CEMIP2: variants seen among roughly 807,000 people sequenced by gnomAD.
CEMIP2 encodes the protein cell surface hyaluronidase CEMIP2.
Under a neutral mutation model 146.9 loss-of-function variants are expected in CEMIP2, and 79 were observed. That is an observed-to-expected ratio of 0.54 (90% confidence interval 0.45 to 0.65). The LOEUF is 0.65. Among genes scored for constraint, CEMIP2 ranks in the 30% least tolerant of loss-of-function variants. The probability of loss-of-function intolerance (pLI) is 0.00; values close to 1 mark genes in which losing one functional copy is unlikely to be tolerated. For missense variants in CEMIP2, 1,596 were observed against 1,696.2 expected (o/e 0.94, Z 1.04); for synonymous variants, 601 against 606.3 (o/e 0.99, Z 0.13).
intron 11 of CEMIP2, among the ~76,000 whole-genome samples, chr9:71,725,056 T>C (rs745321965): frequency 2.6e-5 from 4 of 151,916 alleles, no homozygotes; most frequent in Non-Finnish European, 5.9e-5. Flanking sequence ...TATGTATAAA[T>C]GGAATGCTCT....
intron 7 of CEMIP2, among the ~76,000 whole-genome samples, chr9:71,731,685 T>G (rs911700780): frequency 1.3e-5 from 2 of 150,012 alleles, no homozygotes; most frequent in South Asian, 2.1e-4. Flanking sequence ...TCAGTTGTGA[T>G]CATGCCACTG....
chr9:71,723,992 C>A (rs1048363733), intron 11 of CEMIP2, among the ~76,000 whole-genome samples: 1 of 152,162 alleles, frequency 6.6e-6, no homozygotes, highest in East Asian at 1.9e-4. Context: ...TAAATTACTG[C>A]ACATTAAAAA....
chr9:71,753,092 C>T (rs1363096699), intron 1 of CEMIP2, among the ~76,000 whole-genome samples: 1 of 152,110 alleles, frequency 6.6e-6, no homozygotes, highest in Non-Finnish European at 1.5e-5. Context: ...AATAAAGACC[C>T]CGTTATGATC....
rs1823897373 is a variant in CEMIP2 at position 71,741,002 on chromosome 9, CA to C, written c.1035-771del. Among the ~76,000 whole-genome samples, 5 of 152,168 alleles carry C rather than the reference CA, an allele frequency of 3.3e-5. No individual in the cohort carries two copies. The South Asian group carries it at 1.0e-3, about 32-fold the overall frequency. On this transcript the variant is annotated intron_variant, in intron 4 of 23. Transcript: ENST00000377044. Reference sequence around the variant, plus strand: ...ATGTTAATGCTGCTGGTCAGGGCACCATACTTTGAAAACCCCTAAATTATAG... The same window carrying C: ...ATGTTAATGCTGCTGGTCAGGGCACCTACTTTGAAAACCCCTAAATTATAG...
At chr9:71,764,052 T>C (rs1434537268) in intron 1 of CEMIP2, among the ~76,000 whole-genome samples, 1 of 152,158 alleles carries the variant, frequency 6.6e-6, no homozygotes, top group Non-Finnish European at 1.5e-5. Flanking sequence ...AAAAAGAACA[T>C]GCAAACATAT....
At position 71,700,808 on chromosome 9, in the gene CEMIP2, C is replaced by G; in HGVS notation, c.3211G>C (p.Val1071Leu). 1 of 1,606,658 alleles carries G rather than the reference C, an allele frequency of 6.2e-7. No individual in the cohort carries two copies. The highest frequency in any genetic ancestry group is 8.5e-7 in the Non-Finnish European group (1 of 1,178,206). Residue 1071 changes from valine (V) to leucine (L), a missense_variant, in exon 19 of 24, where the codon GTT becomes CTT. Physicochemically the swap from Val to Leu is conservative, Grantham distance 32 (BLOSUM62 1). Coordinates refer to ENST00000377044, the MANE Select transcript of CEMIP2 (RefSeq NM_013390.3). Reference sequence around the variant, plus strand: ...GTGTTTGATGGATAGCAAAGGCCAACTCGAATCCAGTCATTCCTTTAAAGG... The same window carrying G: ...GTGTTTGATGGATAGCAAAGGCCAAGTCGAATCCAGTCATTCCTTTAAAGG... Reference protein sequence around the residue: ...VNFNKNDWIRVGLCYPSNTSF... With the variant: ...VNFNKNDWIRLGLCYPSNTSF...
intron 1 of CEMIP2, among the ~76,000 whole-genome samples, chr9:71,758,866 T>C (rs915193681): frequency 6.6e-6 from 1 of 152,218 alleles, no homozygotes; most frequent in Non-Finnish European, 1.5e-5. Flanking sequence ...GCCTTCACAC[T>C]GTCCCACAAG....
intron 14 of CEMIP2, 52 bp downstream of exon 14, chr9:71,716,465 A>T: frequency 7.1e-7 from 1 of 1,407,992 alleles, no homozygotes; most frequent in Non-Finnish European, 9.8e-7. Flanking sequence ...AAAAAAATCA[A>T]GGGTTATTTT....
At chr9:71,728,687 C>T (rs1029272668) in intron 10 of CEMIP2, among the ~76,000 whole-genome samples, 6 of 151,832 alleles carry the variant, frequency 4.0e-5, no homozygotes, top group Non-Finnish European at 8.8e-5. Flanking sequence ...AAATGAAATT[C>T]CCACTTGTAT....
In CEMIP2 at chr9:71,723,136, G is replaced by GAAAAA. The variant is rs33948828; in HGVS notation, c.2179-626_2179-622dup. ...TGGCAGAGAGCATGGAACAGCCAAA[G>GAAAAA]AAAAAAAAAAAAAAAACAAAACCAT... On this transcript the variant is annotated intron_variant, in intron 11 of 23. Coordinates refer to ENST00000377044, the MANE Select transcript of CEMIP2 (RefSeq NM_013390.3). 1.4e-3 allele frequency among the ~76,000 whole-genome samples: 151 copies of GAAAAA among 104,192 alleles called. 6 individuals are homozygous for GAAAAA. Among genetic ancestry groups the GAAAAA allele is most frequent in the East Asian group, 4.4e-3 (14 of 3,210 alleles). The allele number at this position is 104,192 out of a possible 152,430, so 68.4% of individuals were successfully genotyped here.
At chr9:71,742,155 AAAGTTAACCG>A (rs1249227791) in intron 4 of CEMIP2, among the ~76,000 whole-genome samples, 1 of 152,264 alleles carries the variant, frequency 6.6e-6, no homozygotes, top group Non-Finnish European at 1.5e-5. Context: ...TTCACAGATA[AAAGTTAACCG>A]AAGCATGCCT....
At chr9:71,688,775 C>T (rs982944262) in intron 22 of CEMIP2, among the ~76,000 whole-genome samples, 7 of 152,118 alleles carry the variant, frequency 4.6e-5, no homozygotes, top group Admixed American at 4.6e-4. Context: ...TGACCTTCTT[C>T]AATAGGTCAG....
chr9:71,749,448 G>A (rs979212463), intron 2 of CEMIP2, among the ~76,000 whole-genome samples: 1 of 151,218 alleles, frequency 6.6e-6, no homozygotes, highest in African/African-American at 2.4e-5. Flanking sequence ...GCTCACACCT[G>A]TAATCCCAGC....
chr9:71,720,106 T>C (rs1269827545), intron 12 of CEMIP2, among the ~76,000 whole-genome samples: 1 of 152,200 alleles, frequency 6.6e-6, no homozygotes, highest in East Asian at 1.9e-4. Flanking sequence ...TCAGCACACT[T>C]CTCAACTGTC....
At chr9:71,686,958 G>A (rs192162238) in intron 22 of CEMIP2, 54 of 152,060 alleles carry the variant, frequency 3.6e-4, no homozygotes, top group African/African-American at 1.0e-3. Context: ...ATAAATAAAC[G>A]ACTAAATGTG....
rs780482710 is a variant in CEMIP2, at chr9:71,685,317, C to T, written c.4032G>A (p.Gln1344=). 6.2e-7 allele frequency: 1 copy of T among 1,609,280 alleles called. No individual in the cohort carries two copies. Among genetic ancestry groups the T allele is most frequent in the Admixed American group, 1.7e-5 (1 of 59,272 alleles). ...TGAATTGTTCAAGCACCCCAAGGCCCTGTCCAGCAGGACTGGTAAATAGCT... is the reference window on the plus strand; with the variant it reads ...TGAATTGTTCAAGCACCCCAAGGCCTTGTCCAGCAGGACTGGTAAATAGCT... ...WTKLFTSPAG[Q]GLGVLEQFIP... Residue 1344 remains glutamine (Q), a synonymous_variant, in exon 24 of 24, where the codon CAG becomes CAA. Transcript: ENST00000377044.
At chr9:71,758,407 A>G (rs1824527581) in intron 1 of CEMIP2, among the ~76,000 whole-genome samples, 1 of 152,148 alleles carries the variant, frequency 6.6e-6, no homozygotes, top group Admixed American at 6.6e-5. Context: ...TGAAAACCCA[A>G]CCCCCTGGTG....
chr9:71,708,883 C>T (rs756436223), intron 17 of CEMIP2, among the ~76,000 whole-genome samples: 1 of 152,092 alleles, frequency 6.6e-6, no homozygotes, highest in Non-Finnish European at 1.5e-5. Context: ...TTACTGACCC[C>T]AAAAGCAAAG....
In CEMIP2 at chr9:71,766,735, T is replaced by A. The variant is rs147655538; in HGVS notation, c.-13+1622A>T. ...ATTTCCCTGTCCACACACAGGAGAG[T>A]CCTCAGCTCACTATCTCATTCACAG... On this transcript the variant is annotated intron_variant, in intron 1 of 23. Transcript: ENST00000377044. Among the ~76,000 whole-genome samples the A allele has an allele frequency of 9.2e-4, 140 of 151,940 alleles. 2 individuals are homozygous for A. In the East Asian group the frequency reaches 0.022, roughly 24 times the overall value.
Sources: allele counts gnomAD v4.1 joint callset (sites outside exome capture counted in the v4.1 genomes callset), GRCh38; gene constraint gnomAD v4.1.1; transcripts MANE v1.5; gene names NCBI Gene and HGNC (gene_info 2026-07-23, HGNC 2026-07-21).